SGMS1: variants seen among roughly 807,000 people sequenced by gnomAD.
SGMS1 encodes the protein sphingomyelin synthase 1.
Under a neutral mutation model 46.2 loss-of-function variants are expected in SGMS1, and 13 were observed. The ratio of observed to expected loss-of-function variants is 0.28; its 90% CI spans 0.18 to 0.45. SGMS1 has a LOEUF of 0.45. Among genes scored for constraint, SGMS1 ranks in the 20% least tolerant of loss-of-function variants. SGMS1 has a pLI of 1.00. For missense variants in SGMS1, 324 were observed against 519.9 expected, an observed-to-expected ratio of 0.62 and a Z score of 3.66; for synonymous variants, 203 against 187.8, an observed-to-expected ratio of 1.08 and a Z score of -0.66.
intron 7 of SGMS1, among the ~76,000 whole-genome samples, chr10:50,339,443 T>A (rs1463096317): frequency 6.6e-6 from 1 of 152,184 alleles, no homozygotes; most frequent in Non-Finnish European, 1.5e-5. Flanking sequence ...TTCCGATCAT[T>A]CAATCTAAAG....
intron 2 of SGMS1, among the ~76,000 whole-genome samples, chr10:50,531,412 C>G (rs768156536): frequency 1.3e-5 from 2 of 151,850 alleles, no homozygotes; most frequent in African/African-American, 2.4e-5. Flanking sequence ...TTTATTCATC[C>G]TATTCATTTC....
intron 3 of SGMS1, among the ~76,000 whole-genome samples, chr10:50,504,670 C>G (rs1195918530): frequency 1.3e-5 from 2 of 152,086 alleles, no homozygotes; most frequent in African/African-American, 4.8e-5. Flanking sequence ...ACTATATACA[C>G]AGCCTCCTAT....
intron 6 of SGMS1, among the ~76,000 whole-genome samples, chr10:50,393,395 T>C (rs1189551360): frequency 6.6e-6 from 1 of 152,078 alleles, no homozygotes; most frequent in African/African-American, 2.4e-5. Context: ...CAAGAATGAC[T>C]CACATTAGAC....
rs117799503 is a variant in SGMS1, at chr10:50,573,120, G to C, written c.-589+17033C>G. ...AAGGGTCATACATGAAAAGCCCATA[G>C]CTAACATCATACTCAATGGAGAAAA... On this transcript the variant is annotated intron_variant, in intron 2 of 10. Transcript: ENST00000361781. 4.0e-3 allele frequency among the ~76,000 whole-genome samples: 616 copies of C among 152,228 alleles called. 2 individuals are homozygous for C. The highest frequency in any genetic ancestry group is 7.5e-3 in the South Asian group (36 of 4,826).
intron 5 of SGMS1, among the ~76,000 whole-genome samples, chr10:50,435,413 A>C (rs1464211355): frequency 2.0e-5 from 3 of 152,220 alleles, no homozygotes; most frequent in African/African-American, 7.2e-5. Flanking sequence ...ATGTCCATTA[A>C]ATTCACAGAC....
chr10:50,580,087 G>A (rs1042525883), intron 2 of SGMS1, among the ~76,000 whole-genome samples: 8 of 152,190 alleles, frequency 5.3e-5, no homozygotes, highest in Non-Finnish European at 1.0e-4. Context: ...CACAATTTGT[G>A]TGTGTGCAGA....
At chr10:50,442,999 T>C (rs1444018397) in intron 5 of SGMS1, among the ~76,000 whole-genome samples, 1 of 152,220 alleles carries the variant, frequency 6.6e-6, no homozygotes, top group Non-Finnish European at 1.5e-5. Flanking sequence ...CTGCACTTAA[T>C]AAGAATGGTT....
intron 1 of SGMS1, among the ~76,000 whole-genome samples, chr10:50,621,950 G>T (rs771378981): frequency 1.3e-5 from 2 of 152,194 alleles, no homozygotes; most frequent in Non-Finnish European, 2.9e-5. Context: ...ATTTTAAGAG[G>T]CGCAGTAAGG....
intron 6 of SGMS1, among the ~76,000 whole-genome samples, chr10:50,431,060 T>C (rs1456001604): frequency 6.6e-6 from 1 of 152,310 alleles, no homozygotes; most frequent in East Asian, 1.9e-4. Context: ...GAGATGATAA[T>C]ATAAGTCAGA....
intron 2 of SGMS1, among the ~76,000 whole-genome samples, chr10:50,576,909 T>G (rs1321569865): frequency 6.6e-6 from 1 of 152,218 alleles, no homozygotes; most frequent in African/African-American, 2.4e-5. Flanking sequence ...TAAATCCACT[T>G]GGAAACTGTA....
In SGMS1 at chr10:50,314,050, A is replaced by G. The variant is rs1038758875; in HGVS notation, c.742-2635T>C. On this transcript the variant is annotated intron_variant, in intron 8 of 10. Transcript: ENST00000361781. Reference sequence around the variant, plus strand: ...ATTACAAAACAGTTGCAGCAGAAACAAGTTAATATCTATATTGTTTACATA... The same window carrying G: ...ATTACAAAACAGTTGCAGCAGAAACGAGTTAATATCTATATTGTTTACATA... 7.2e-5 allele frequency among the ~76,000 whole-genome samples: 11 copies of G among 152,228 alleles called. 1 individual carries two copies. Among genetic ancestry groups the G allele is most frequent in the Admixed American group, 7.2e-4 (11 of 15,280 alleles).
At chr10:50,473,961 T>C (rs1042596206) in intron 3 of SGMS1, 1 of 152,218 alleles carries the variant, frequency 6.6e-6, no homozygotes, top group Non-Finnish European at 1.5e-5. Context: ...CTGCAGGAAC[T>C]AGAATCAAGA....
intron 3 of SGMS1, among the ~76,000 whole-genome samples, chr10:50,485,948 C>A (rs1837517772): frequency 2.0e-5 from 3 of 151,954 alleles, no homozygotes; most frequent in African/African-American, 7.2e-5. Flanking sequence ...TCACACTGCC[C>A]AACTTCAAAC....
intron 2 of SGMS1, among the ~76,000 whole-genome samples, chr10:50,535,725 G>A (rs10826159): frequency 0.3 from 46,326 of 151,984 alleles, 8,049 homozygotes; most frequent in East Asian, 0.64. Context: ...ACAGGATCTA[G>A]GTGTTAAGAT....
chr10:50,340,563 C>A (rs1375870907), intron 7 of SGMS1: 3 of 152,106 alleles, frequency 2.0e-5, no homozygotes, highest in Middle Eastern at 3.4e-3. Flanking sequence ...TCATGGAAAT[C>A]CCATGTGGAT....
intron 3 of SGMS1, chr10:50,474,109 AG>A (rs1837400242): frequency 6.6e-6 from 1 of 152,216 alleles, no homozygotes; most frequent in Admixed American, 6.5e-5. Flanking sequence ...CTGAGGTCTC[AG>A]GAGATCTATA....
chr10:50,357,324 A>C (rs1316174447), intron 6 of SGMS1, among the ~76,000 whole-genome samples: 1 of 152,212 alleles, frequency 6.6e-6, no homozygotes, highest in Non-Finnish European at 1.5e-5. Flanking sequence ...GGTAATGAAA[A>C]AAAAAATTAC....
chr10:50,604,355 G>A (rs1371935124), intron 1 of SGMS1, among the ~76,000 whole-genome samples: 1 of 152,080 alleles, frequency 6.6e-6, no homozygotes, highest in African/African-American at 2.4e-5. Flanking sequence ...TTCCAGGGAC[G>A]GTGTCTAAAG....
chr10:50,624,456 A>T (rs940627421), upstream of SGMS1, among the ~76,000 whole-genome samples: 1 of 152,184 alleles, frequency 6.6e-6, no homozygotes, highest in African/African-American at 2.4e-5. Flanking sequence ...CCCATTTTCA[A>T]ACCTCTAACC....
Sources: allele counts gnomAD v4.1 joint callset (sites outside exome capture counted in the v4.1 genomes callset), GRCh38; gene constraint gnomAD v4.1.1; transcripts MANE v1.5; gene names NCBI Gene and HGNC (gene_info 2026-07-23, HGNC 2026-07-21).